The following MCTP1 variants were observed in gnomAD, a reference collection of about 807,000 sequenced individuals.
MCTP1 encodes multiple C2 and transmembrane domain-containing protein 1.
MCTP1 carries 69 observed loss-of-function variants against 120.6 expected under a neutral mutation model. The ratio of observed to expected loss-of-function variants is 0.57; its 90% CI spans 0.47 to 0.70. MCTP1 has a LOEUF of 0.70. MCTP1 is among the 30% of genes least tolerant of loss of function. The pLI, the probability that MCTP1 is intolerant of heterozygous loss-of-function variation, is 0.00. For synonymous variants in MCTP1, 529 were observed against 493.1 expected, an observed-to-expected ratio of 1.07 and a Z score of -0.96; for missense variants, 1,203 against 1,248.8, an observed-to-expected ratio of 0.96 and a Z score of 0.55.
At chr5:94,825,802 CTCT>C (rs1384445170) in intron 17 of MCTP1, among the ~76,000 whole-genome samples, 2 of 151,948 alleles carry the variant, frequency 1.3e-5, no homozygotes, top group African/African-American at 2.4e-5. Context: ...GGATAGTTAG[CTCT>C]TCTTATTGCA....
At chr5:95,208,953 G>A (rs1019049864) in intron 1 of MCTP1, among the ~76,000 whole-genome samples, 2 of 151,980 alleles carry the variant, frequency 1.3e-5, no homozygotes, top group Admixed American at 1.3e-4. Context: ...TCATGACCCT[G>A]TTCTGTCATC....
At chr5:94,831,056 G>A (rs887006582) in intron 17 of MCTP1, among the ~76,000 whole-genome samples, 1 of 152,178 alleles carries the variant, frequency 6.6e-6, no homozygotes, top group African/African-American at 2.4e-5. Flanking sequence ...AAAAGACTCT[G>A]CTGTTAGATT....
At chr5:94,723,736 C>T (rs1761448467) in intron 19 of MCTP1, among the ~76,000 whole-genome samples, 1 of 151,924 alleles carries the variant, frequency 6.6e-6, no homozygotes. Context: ...AATTTGCATG[C>T]AACTTTAAAG....
rs538935503 is a variant in MCTP1, at chr5:95,162,746, C to G, written c.720+121110G>C. On this transcript the variant is annotated intron_variant, in intron 1 of 22. Transcript: ENST00000515393. ...AATAATAGCCTGCTTCATTCTGTAA[C>G]AGTGAGATTCCATGTCACCAACACC... is the stretch of plus-strand genomic sequence containing the variant. Among the ~76,000 whole-genome samples, 3 of 152,292 alleles carry G rather than the reference C, an allele frequency of 2.0e-5. No individual in the cohort carries two copies. In the East Asian group the frequency reaches 5.8e-4, roughly 29 times the overall value.
At chr5:94,971,338 C>T (rs1826816768) in intron 2 of MCTP1, among the ~76,000 whole-genome samples, 1 of 151,838 alleles carries the variant, frequency 6.6e-6, no homozygotes, top group Non-Finnish European at 1.5e-5. Flanking sequence ...AAATTTTTAT[C>T]CCTTTTAGGT....
chr5:95,100,598 A>T (rs1004811307), intron 1 of MCTP1, among the ~76,000 whole-genome samples: 20 of 152,244 alleles, frequency 1.3e-4, no homozygotes, highest in African/African-American at 4.3e-4. Context: ...ATATCTTTTT[A>T]AAAATCCCAA....
chr5:94,759,919 A>T (rs1770899990), intron 19 of MCTP1, among the ~76,000 whole-genome samples: 2 of 148,892 alleles, frequency 1.3e-5, no homozygotes, highest in South Asian at 4.2e-4. Flanking sequence ...AAAAAAAAAA[A>T]AAAAAGCAGA....
intron 1 of MCTP1, among the ~76,000 whole-genome samples, chr5:95,265,441 G>A (rs1179014583): frequency 6.6e-6 from 1 of 152,174 alleles, no homozygotes; most frequent in Non-Finnish European, 1.5e-5. Context: ...ATATCCTTCT[G>A]AATCATCCAC....
Position 95,284,606 on chromosome 5 carries a change from TC to T in MCTP1, c.-32del. The T allele has an allele frequency of 7.6e-7, 1 of 1,315,646 alleles. No individual in the cohort carries two copies. Among genetic ancestry groups the T allele is most frequent in the Non-Finnish European group, 9.8e-7 (1 of 1,017,968 alleles). 81.5% of individuals were successfully genotyped at this position (1,315,646 alleles called of 1,614,324 possible). On this transcript the variant is annotated 5_prime_UTR_variant, in exon 1 of 23. Transcript: ENST00000515393. This position sits in a 1 kb window ranked among gnomAD's most constrained non-coding sequence, Gnocchi z 5.2. ...ACCCCCTGCTCCTCCTCTCCCCTCC[TC>T]CTCCTCCTCCTCCTCCTGCTTCTCC...
At chr5:94,847,678 GTGTGTATATA>G (rs1279160182) in intron 17 of MCTP1, among the ~76,000 whole-genome samples, 11 of 130,624 alleles carry the variant, frequency 8.4e-5, no homozygotes, top group African/African-American at 2.4e-4. Flanking sequence ...GTGTGTGTGT[GTGTGTATATA>G]TATATATATA....
chr5:95,208,337 C>G (rs1161643491), intron 1 of MCTP1, among the ~76,000 whole-genome samples: 1 of 152,092 alleles, frequency 6.6e-6, no homozygotes, highest in Admixed American at 6.5e-5. Flanking sequence ...GCAATCCACC[C>G]ACCTCAGCCA....
At chr5:94,976,202 A>C (rs1201084393) in intron 2 of MCTP1, among the ~76,000 whole-genome samples, 3 of 152,110 alleles carry the variant, frequency 2.0e-5, no homozygotes, top group African/African-American at 7.2e-5. Flanking sequence ...TACTTCCCCA[A>C]GCTATGGTGA....
chr5:95,180,937 A>C (rs1748530117), intron 1 of MCTP1, among the ~76,000 whole-genome samples: 1 of 152,050 alleles, frequency 6.6e-6, no homozygotes, highest in Admixed American at 6.6e-5. Flanking sequence ...CTAATCTATC[A>C]GTTTGCTCAG....
chr5:94,935,184 C>T (rs547015697), intron 5 of MCTP1, among the ~76,000 whole-genome samples: 3 of 151,818 alleles, frequency 2.0e-5, no homozygotes, highest in Admixed American at 1.3e-4. Context: ...TCAATCATGA[C>T]CTCAATGGAG....
chr5:95,218,518 T>C (rs954992113), intron 1 of MCTP1, among the ~76,000 whole-genome samples: 1 of 152,212 alleles, frequency 6.6e-6, no homozygotes, highest in African/African-American at 2.4e-5. Context: ...CCCTTTTAAT[T>C]TCCTAGTATC....
chr5:94,926,142 TA>T (rs2153470105), intron 6 of MCTP1, among the ~76,000 whole-genome samples: 1 of 152,312 alleles, frequency 6.6e-6, no homozygotes, highest in South Asian at 2.1e-4. Flanking sequence ...TCAGATGGAA[TA>T]ACAATTAGAC....
At chr5:94,910,856 AATGAAGGCT>A (rs1418415536) in intron 9 of MCTP1, among the ~76,000 whole-genome samples, 2 of 147,084 alleles carry the variant, frequency 1.4e-5, no homozygotes, top group Admixed American at 1.3e-4. Flanking sequence ...AATGGCACTG[AATGAAGGCT>A]ATGATAATTT....
chr5:95,077,099 G>T (rs1435315752), intron 1 of MCTP1, among the ~76,000 whole-genome samples: 2 of 152,094 alleles, frequency 1.3e-5, no homozygotes, highest in Non-Finnish European at 2.9e-5. Flanking sequence ...TTGATTCCCA[G>T]ACTCTTAGTT....
In MCTP1 at chr5:94,708,551, T is replaced by A; in HGVS notation, c.2889A>T (p.Leu963=). Reference sequence around the variant, plus strand: ...AAGGGACTCTGGAAAGGAAGTCAAGTAGTTCATTGTTATCAATTGCATATG... The same window carrying A: ...AAGGGACTCTGGAAAGGAAGTCAAGAAGTTCATTGTTATCAATTGCATATG... The part of the protein sequence containing the change: ...RSPYAIDNNE[L]LDFLSRVPSD... The change falls in exon 22 of 23, where the codon CTA becomes CTT. Residue 963 remains leucine, a synonymous_variant. Coordinates refer to ENST00000515393, the MANE Select transcript of MCTP1 (RefSeq NM_024717.7). 1 of 1,611,232 alleles carries A rather than the reference T, an allele frequency of 6.2e-7. No individual in the cohort carries two copies.
Sources: allele counts gnomAD v4.1 joint callset (sites outside exome capture counted in the v4.1 genomes callset), GRCh38; gene constraint gnomAD v4.1.1; non-coding constraint Gnocchi (gnomAD v3.1); transcripts MANE v1.5; gene names NCBI Gene and HGNC (gene_info 2026-07-23, HGNC 2026-07-21).